The following SND1 variants were observed in gnomAD, a reference collection of about 807,000 sequenced individuals.
The protein encoded by SND1 is staphylococcal nuclease domain-containing protein 1.
In SND1, 38 loss-of-function variants were observed where a neutral mutation model predicts 121.7. The ratio of observed to expected loss-of-function variants is 0.31; its 90% CI spans 0.24 to 0.41. The LOEUF (loss-of-function observed/expected upper bound fraction) is 0.41. Ranked by LOEUF, SND1 falls within the 10% of genes least tolerant of loss-of-function variation. The pLI, the probability that SND1 is intolerant of heterozygous loss-of-function variation, is 1.00. For missense variants in SND1, 868 were observed against 1,184.6 expected (o/e 0.73, Z 3.92); for synonymous variants, 401 against 447.4 (o/e 0.90, Z 1.31).
intron 15 of SND1, among the ~76,000 whole-genome samples, chr7:127,947,177 CA>C (rs1335681457): frequency 6.6e-6 from 1 of 152,122 alleles, no homozygotes; most frequent in Non-Finnish European, 1.5e-5. Context: ...AGCATTCTAG[CA>C]GCTTTGGGTT....
chr7:128,042,113 A>G (rs372747036), intron 16 of SND1, among the ~76,000 whole-genome samples: 2 of 152,232 alleles, frequency 1.3e-5, no homozygotes, highest in East Asian at 3.9e-4. Flanking sequence ...GCCAGTTTGT[A>G]TGGCAGCCCA....
intron 10 of SND1, among the ~76,000 whole-genome samples, chr7:127,770,360 G>T (rs987680631): frequency 6.6e-6 from 1 of 152,136 alleles, no homozygotes; most frequent in Non-Finnish European, 1.5e-5. Flanking sequence ...ACATTCAAAG[G>T]ATGAAAGAAA....
chr7:127,921,749 C>A (rs746706120), intron 14 of SND1, among the ~76,000 whole-genome samples: 2 of 152,170 alleles, frequency 1.3e-5, no homozygotes, highest in Non-Finnish European at 2.9e-5. Flanking sequence ...AACTTCTAGT[C>A]CCTGGCAACC....
intron 10 of SND1, among the ~76,000 whole-genome samples, chr7:127,740,473 G>A (rs1299185629): frequency 1.3e-5 from 2 of 152,204 alleles, no homozygotes; most frequent in African/African-American, 4.8e-5. Flanking sequence ...CAACTCATCT[G>A]TGTATCAAGC....
chr7:127,707,508 A>T, intron 8 of SND1, 49 bp from the exon 9 acceptor site: 1 of 1,492,738 alleles, frequency 6.7e-7, no homozygotes, highest in Non-Finnish European at 9.3e-7. Context: ...GTAGTGGTGG[A>T]TTCCATTTGC....
chr7:127,927,587 G>C (rs1800867127), intron 14 of SND1, among the ~76,000 whole-genome samples: 1 of 152,206 alleles, frequency 6.6e-6, no homozygotes, highest in African/African-American at 2.4e-5. Context: ...ACCCCCTAAA[G>C]CTCATGGTTA....
chr7:128,006,388 A>G (rs1352842715), intron 16 of SND1, among the ~76,000 whole-genome samples: 1 of 152,188 alleles, frequency 6.6e-6, no homozygotes, highest in Non-Finnish European at 1.5e-5. Context: ...ATTTGGGGAA[A>G]GGTAATGGGG....
intron 12 of SND1, among the ~76,000 whole-genome samples, chr7:127,867,938 A>G (rs10260037): frequency 0.89 from 135,607 of 152,024 alleles, 60,746 homozygotes; most frequent in African/African-American, 0.96. Flanking sequence ...ATTTAACTTA[A>G]TCTGCTCTCT....
At position 127,721,365 on chromosome 7, in the gene SND1, A is replaced by G. The variant is rs763494777; in HGVS notation, c.1117A>G (p.Ile373Val). 2.5e-6 allele frequency: 4 copies of G among 1,612,754 alleles called. No homozygotes were observed. The highest frequency in any genetic ancestry group is 3.4e-6 in the Non-Finnish European group (4 of 1,179,626). Residue 373 changes from isoleucine (I) to valine (V), a missense_variant, in exon 10 of 24, where the codon ATC becomes GTC. This residue lies in a region of SND1 where 743 missense variants were observed against 1,071.3 expected (regional missense o/e 0.69). Coordinates refer to ENST00000354725, the MANE Select transcript of SND1 (RefSeq NM_014390.4). Reference sequence around the variant, plus strand: ...TTACAAGACGATTCACCTGTCCAGCATCCGACCACCGAGGCTGGAGGGGGA... The same window carrying G: ...TTACAAGACGATTCACCTGTCCAGCGTCCGACCACCGAGGCTGGAGGGGGA... ...GDYKTIHLSS[I>V]RPPRLEGENT...
chr7:127,975,721 G>A (rs1279242520), intron 15 of SND1, among the ~76,000 whole-genome samples: 9 of 152,174 alleles, frequency 5.9e-5, no homozygotes, highest in African/African-American at 1.9e-4. Context: ...TGAAGGGTGT[G>A]AGGCTGGCAG....
At position 127,686,689 on chromosome 7, in the gene SND1, G is replaced by C; in HGVS notation, c.155G>C (p.Ser52Thr). 5.0e-6 allele frequency: 8 copies of C among 1,614,184 alleles called. No homozygotes were observed. Among genetic ancestry groups the C allele is most frequent in the Non-Finnish European group, 6.8e-6 (8 of 1,180,036 alleles). ...GPPPERQINL[S>T]NIRAGNLARR... ...CCTCCTGAGCGGCAGATCAACCTCA[G>C]CAACATTCGTGCTGGAAATCTTGCT... The change falls in exon 2 of 24, where the codon AGC (serine) becomes ACC (threonine). Residue 52 changes from serine (S) to threonine (T), a missense_variant. Physicochemically the swap from Ser to Thr is moderately conservative, Grantham distance 58. Around this residue, in one of 2 missense-constraint regions of SND1, gnomAD observed 125 missense variants for 113.3 expected, o/e 1.10. Coordinates refer to ENST00000354725, the MANE Select transcript of SND1 (RefSeq NM_014390.4).
intron 10 of SND1, among the ~76,000 whole-genome samples, chr7:127,734,311 C>T (rs964089963): frequency 1.3e-5 from 2 of 152,004 alleles, no homozygotes; most frequent in African/African-American, 4.8e-5. Flanking sequence ...ACAGAGTTCT[C>T]TAGGGAATAG....
intron 14 of SND1, among the ~76,000 whole-genome samples, chr7:127,920,852 T>C (rs1453885183): frequency 3.7e-5 from 4 of 109,226 alleles, no homozygotes; most frequent in South Asian, 6.0e-4. Flanking sequence ...GCCTAACTTA[T>C]CTTAACAAAA....
At chr7:127,703,874 A>G (rs1044011006) in intron 7 of SND1, among the ~76,000 whole-genome samples, 39 of 152,218 alleles carry the variant, frequency 2.6e-4, no homozygotes, top group African/African-American at 8.7e-4. Flanking sequence ...TCACATATTT[A>G]TCTAACTGTT....
chr7:128,028,716 G>T (rs117070316), intron 16 of SND1: 45,814 of 1,613,928 alleles, frequency 0.028, 741 homozygotes, highest in Non-Finnish European at 0.033. Context: ...CTTGGTATGG[G>T]TCTGAATTAT....
At chr7:127,932,948 G>C (rs1248332436) in intron 15 of SND1, among the ~76,000 whole-genome samples, 1 of 152,084 alleles carries the variant, frequency 6.6e-6, no homozygotes, top group Admixed American at 6.6e-5. Flanking sequence ...GTATCTCTGA[G>C]GTATGCCTGT....
intron 22 of SND1, 119 bp downstream of exon 22, chr7:128,089,811 A>G: frequency 1.1e-6 from 1 of 934,040 alleles, no homozygotes; most frequent in Non-Finnish European, 1.6e-6. Context: ...TGCTGAGGAA[A>G]GATAATGGAT....
intron 9 of SND1, among the ~76,000 whole-genome samples, chr7:127,716,565 A>T: frequency 6.7e-6 from 1 of 150,344 alleles, no homozygotes; most frequent in African/African-American, 2.5e-5. Context: ...ATATCCTGCT[A>T]CTTCATGAAT....
chr7:128,079,603 C>T (rs1584777564), intron 17 of SND1, among the ~76,000 whole-genome samples: 1 of 152,370 alleles, frequency 6.6e-6, no homozygotes, highest in South Asian at 2.1e-4. Flanking sequence ...GGAGATGTCT[C>T]AGTCATTCCC....
Sources: allele counts gnomAD v4.1 joint callset (sites outside exome capture counted in the v4.1 genomes callset), GRCh38; gene constraint gnomAD v4.1.1; regional missense constraint gnomAD v4.1.1; transcripts MANE v1.5; gene names NCBI Gene and HGNC (gene_info 2026-07-23, HGNC 2026-07-21).